MYO1B: variants seen among roughly 807,000 people sequenced by gnomAD.
The protein encoded by MYO1B is unconventional myosin-Ib.
A neutral mutation model predicts 159.7 loss-of-function variants in MYO1B; 72 were observed. That is an observed-to-expected ratio of 0.45 (90% CI 0.37 to 0.55). The LOEUF is 0.55. MYO1B is among the 20% of genes least tolerant of loss of function. MYO1B has a pLI of 0.00. For missense variants in MYO1B, 1,062 were observed against 1,364.8 expected (o/e 0.78, Z 3.50); for synonymous variants, 468 against 473.8 (o/e 0.99, Z 0.16).
Position 191,387,405 on chromosome 2 carries a change from C to T in MYO1B, c.1736C>T (p.Ala579Val). 6.2e-7 allele frequency: 1 copy of T among 1,614,152 alleles called. No individual in the cohort carries two copies. Among genetic ancestry groups the T allele is most frequent in the Non-Finnish European group, 8.5e-7 (1 of 1,180,028 alleles). ...TAGSQFKASV[A>V]TLMKNLQTKN... Reference sequence around the variant, plus strand: ...GGCTCACAGTTCAAGGCATCCGTGGCCACTCTGATGAAAAACCTACAGACC... The same window carrying T: ...GGCTCACAGTTCAAGGCATCCGTGGTCACTCTGATGAAAAACCTACAGACC... Residue 579 changes from alanine (A) to valine (V), a missense_variant, in exon 17 of 31, where the codon GCC (alanine) becomes GTC (valine). Coordinates refer to ENST00000392318, the MANE Select transcript of MYO1B (RefSeq NM_001130158.3).
At chr2:191,330,235 A>G (rs1691380853) in intron 4 of MYO1B, among the ~76,000 whole-genome samples, 1 of 152,172 alleles carries the variant, frequency 6.6e-6, no homozygotes, top group Admixed American at 6.5e-5. Flanking sequence ...TCCAACCAAT[A>G]TGAAGTCTAG....
At chr2:191,409,282 A>AGT in intron 26 of MYO1B, 104 bp downstream of exon 26, 1 of 1,292,268 alleles carries the variant, frequency 7.7e-7, no homozygotes, top group Non-Finnish European at 1.1e-6. Context: ...CTTTGCCTCA[A>AGT]AGAGGATTAC....
intron 17 of MYO1B, chr2:191,388,292 A>AG (rs1475282608): frequency 2.6e-5 from 4 of 151,324 alleles, no homozygotes; most frequent in African/African-American, 9.7e-5. Context: ...AAAAAAAAAA[A>AG]GGAAAAAGCC....
chr2:191,314,710 G>A (rs1690234441), intron 3 of MYO1B, among the ~76,000 whole-genome samples: 1 of 152,160 alleles, frequency 6.6e-6, no homozygotes, highest in Non-Finnish European at 1.5e-5. Context: ...CTTTAATTAA[G>A]TTCGTTTTCC....
chr2:191,364,983 C>T (rs73060743), intron 11 of MYO1B, among the ~76,000 whole-genome samples: 1,806 of 151,106 alleles, frequency 0.012, 27 homozygotes, highest in African/African-American at 0.042. Flanking sequence ...CCCTGCCTTA[C>T]TTCTTGAACC....
chr2:191,354,256 AAATAATAAT>A (rs71030337), intron 7 of MYO1B, among the ~76,000 whole-genome samples: 37,993 of 143,760 alleles, frequency 0.26, 5,702 homozygotes, highest in South Asian at 0.43. Flanking sequence ...ACTCCGTCTT[AAATAATAAT>A]AATAATAATA....
At chr2:191,261,121 G>C (rs1477763921) in intron 1 of MYO1B, among the ~76,000 whole-genome samples, 2 of 152,314 alleles carry the variant, frequency 1.3e-5, no homozygotes, top group East Asian at 3.9e-4. Context: ...GGGCTACCCT[G>C]TAGTGTGCTC....
At chr2:191,368,374 T>G (rs916409780) in intron 11 of MYO1B, among the ~76,000 whole-genome samples, 4 of 152,156 alleles carry the variant, frequency 2.6e-5, no homozygotes, top group African/African-American at 9.7e-5. Flanking sequence ...CCAAGGCCAG[T>G]TCCTTGTTAG....
intron 3 of MYO1B, among the ~76,000 whole-genome samples, chr2:191,312,988 A>T (rs1690100636): frequency 6.6e-6 from 1 of 152,176 alleles, no homozygotes; most frequent in Non-Finnish European, 1.5e-5. Context: ...GTAAGGGGGT[A>T]TAAGGAACGA....
At chr2:191,255,397 A>G (rs1399718210) in intron 1 of MYO1B, among the ~76,000 whole-genome samples, 2 of 152,310 alleles carry the variant, frequency 1.3e-5, no homozygotes, top group African/African-American at 4.8e-5. Context: ...AGGCGGAGAG[A>G]GGGAAATTTA....
At chr2:191,260,856 A>G (rs765942623) in intron 1 of MYO1B, among the ~76,000 whole-genome samples, 3 of 152,188 alleles carry the variant, frequency 2.0e-5, no homozygotes, top group Non-Finnish European at 4.4e-5. Context: ...GCTTTCCTAA[A>G]TGACTTAAGC....
intron 3 of MYO1B, among the ~76,000 whole-genome samples, chr2:191,326,768 A>G (rs1278735817): frequency 4.6e-5 from 5 of 109,120 alleles, no homozygotes; most frequent in Non-Finnish European, 1.9e-5. Context: ...GTGTTTGTAT[A>G]TATGTGTGTG....
chr2:191,288,542 A>G (rs1336769865), intron 2 of MYO1B, among the ~76,000 whole-genome samples: 2 of 152,196 alleles, frequency 1.3e-5, no homozygotes, highest in African/African-American at 2.4e-5. Flanking sequence ...GTTAACTCTT[A>G]AATTTTATGT....
At chr2:191,289,263 G>A (rs979877758) in intron 2 of MYO1B, among the ~76,000 whole-genome samples, 3 of 152,108 alleles carry the variant, frequency 2.0e-5, no homozygotes, top group East Asian at 3.9e-4. Context: ...TTCTTCTTGC[G>A]TGCTTTTTAC....
At chr2:191,255,665 C>T (rs573396692) in intron 1 of MYO1B, among the ~76,000 whole-genome samples, 4 of 152,186 alleles carry the variant, frequency 2.6e-5, no homozygotes, top group Non-Finnish European at 4.4e-5. Context: ...ACTATTATGA[C>T]AAAGTGAAGG....
At chr2:191,265,109 C>T (rs1479449183) in intron 1 of MYO1B, among the ~76,000 whole-genome samples, 1 of 151,602 alleles carries the variant, frequency 6.6e-6, no homozygotes. Flanking sequence ...CCTTAACCTA[C>T]AAACAAGAAT....
intron 4 of MYO1B, among the ~76,000 whole-genome samples, chr2:191,336,727 C>T (rs1691872515): frequency 6.6e-6 from 1 of 152,114 alleles, no homozygotes; most frequent in African/African-American, 2.4e-5. Context: ...GGTGGTTTCT[C>T]CAAGCTGTAG....
At chr2:191,281,903 T>C (rs1416246693) in intron 2 of MYO1B, among the ~76,000 whole-genome samples, 2 of 152,208 alleles carry the variant, frequency 1.3e-5, no homozygotes, top group South Asian at 2.1e-4. Context: ...AAACTAATTG[T>C]AGTTGTAGGA....
intron 11 of MYO1B, among the ~76,000 whole-genome samples, chr2:191,368,567 C>G (rs1336908825): frequency 3.3e-5 from 5 of 152,202 alleles, no homozygotes; most frequent in Non-Finnish European, 7.3e-5. Context: ...TCTTCTGCCT[C>G]TTTGTCAAGT....
Sources: allele counts gnomAD v4.1 joint callset (sites outside exome capture counted in the v4.1 genomes callset), GRCh38; gene constraint gnomAD v4.1.1; transcripts MANE v1.5; gene names NCBI Gene and HGNC (gene_info 2026-07-23, HGNC 2026-07-21).